Variants in HIVEP2 observed in about 807,000 individuals in gnomAD.
The protein encoded by HIVEP2 is HIVEP zinc finger 2.
HIVEP2 carries 14 observed loss-of-function variants against 180.7 expected under a neutral mutation model. The ratio of observed to expected loss-of-function variants is 0.08; its 90% CI spans 0.05 to 0.12. HIVEP2 has a LOEUF of 0.12. Ranked by LOEUF, HIVEP2 falls within the 10% of genes least tolerant of loss-of-function variation. The probability of loss-of-function intolerance (pLI) is 1.00; values close to 1 mark genes in which losing one functional copy is unlikely to be tolerated. For synonymous variants in HIVEP2, 1,184 were observed against 1,136.4 expected, an observed-to-expected ratio of 1.04 and a Z score of -0.84; for missense variants, 2,579 against 3,008.5, an observed-to-expected ratio of 0.86 and a Z score of 3.34.
chr6:142,857,038 G>A (rs573195096), intron 1 of HIVEP2, among the ~76,000 whole-genome samples: 2 of 152,268 alleles, frequency 1.3e-5, no homozygotes, highest in Non-Finnish European at 2.9e-5. Context: ...TTCTCATGTT[G>A]TTCAGAAACG....
intron 2 of HIVEP2, among the ~76,000 whole-genome samples, chr6:142,789,771 A>G (rs1409354385): frequency 6.6e-6 from 1 of 152,224 alleles, no homozygotes. Context: ...AAGAAGTAAA[A>G]AATGAAGAAT....
intron 1 of HIVEP2, among the ~76,000 whole-genome samples, chr6:142,924,667 A>C (rs1051674459): frequency 2.0e-5 from 3 of 152,252 alleles, no homozygotes; most frequent in Non-Finnish European, 2.9e-5. Context: ...ATATATGCCC[A>C]AAAGTAGATA....
chr6:142,808,274 A>G (rs1776601471), intron 2 of HIVEP2, among the ~76,000 whole-genome samples: 1 of 152,180 alleles, frequency 6.6e-6, no homozygotes, highest in Admixed American at 6.5e-5. Context: ...GTTTCATGAA[A>G]CTTGATACAC....
chr6:142,906,916 T>G (rs6570532), intron 1 of HIVEP2, among the ~76,000 whole-genome samples: 87,757 of 151,982 alleles, frequency 0.58, 25,523 homozygotes, highest in Middle Eastern at 0.63. Flanking sequence ...AATATTGCTT[T>G]TGTGATAAAT....
At chr6:142,793,681 C>CTTTCTTTCCT (rs1554279298) in intron 2 of HIVEP2, among the ~76,000 whole-genome samples, 1 of 125,566 alleles carries the variant, frequency 8.0e-6, no homozygotes, top group Non-Finnish European at 1.7e-5. Flanking sequence ...CTTTCTCTCT[C>CTTTCTTTCCT]TCTCTCTCTC....
chr6:142,897,429 T>C (rs60080180), intron 1 of HIVEP2, among the ~76,000 whole-genome samples: 8 of 152,322 alleles, frequency 5.3e-5, no homozygotes, highest in Middle Eastern at 3.4e-3. Context: ...AGAAGCACTA[T>C]TTGTAAGAGC....
At chr6:142,837,174 T>C (rs1458046041) in intron 1 of HIVEP2, 127 bp from the exon 2 acceptor site, 1 of 152,166 alleles carries the variant, frequency 6.6e-6, no homozygotes, top group Non-Finnish European at 1.5e-5. Flanking sequence ...GTTACTGTGC[T>C]ACTTAAAGCT....
intron 1 of HIVEP2, among the ~76,000 whole-genome samples, chr6:142,914,297 A>G (rs1777494960): frequency 6.6e-6 from 1 of 152,212 alleles, no homozygotes; most frequent in African/African-American, 2.4e-5. Flanking sequence ...TCTTTCAAAA[A>G]AAATTGGAAT....
Position 142,772,906 on chromosome 6 carries a change from A to G in HIVEP2, c.1833T>C (p.His611=), listed in dbSNP as rs760826254. Residue 611 remains histidine, a synonymous_variant, in exon 5 of 10, where the codon CAT becomes CAC. Coordinates refer to ENST00000367603, the MANE Select transcript of HIVEP2 (RefSeq NM_006734.4). This position sits in a 1 kb window ranked among gnomAD's most constrained non-coding sequence, Gnocchi z 4.9. ...VQEGHVEVEH[H]GRMLKGISSS... ...TGCTGATACCCTTCAACATCCTGCCATGGTGCTCGACTTCCACGTGGCCCT... is the reference window on the plus strand; with the variant it reads ...TGCTGATACCCTTCAACATCCTGCCGTGGTGCTCGACTTCCACGTGGCCCT... 6.2e-6 allele frequency: 10 copies of G among 1,613,992 alleles called. No homozygotes were observed. The highest frequency in any genetic ancestry group is 8.5e-6 in the Non-Finnish European group (10 of 1,180,032).
At chr6:142,821,721 GA>G (rs1777044768) in intron 2 of HIVEP2, among the ~76,000 whole-genome samples, 1 of 152,164 alleles carries the variant, frequency 6.6e-6, no homozygotes, top group African/African-American at 2.4e-5. Flanking sequence ...TGGGTTGGCT[GA>G]AAGATTTCCC....
At chr6:142,856,174 C>T (rs1204140115) in intron 1 of HIVEP2, among the ~76,000 whole-genome samples, 2 of 151,558 alleles carry the variant, frequency 1.3e-5, no homozygotes, top group South Asian at 2.1e-4. Context: ...AACTGCATCG[C>T]TTTTCACTAA....
At chr6:142,803,700 G>C (rs191191983) in intron 2 of HIVEP2, among the ~76,000 whole-genome samples, 17 of 152,142 alleles carry the variant, frequency 1.1e-4, no homozygotes, top group African/African-American at 4.1e-4. Context: ...ATAGGCGTCA[G>C]CAAAAATCAG....
chr6:142,755,564 C>T (rs1349471346), intron 9 of HIVEP2, among the ~76,000 whole-genome samples: 5 of 152,152 alleles, frequency 3.3e-5, no homozygotes, highest in African/African-American at 1.2e-4. Context: ...CCATTGCATA[C>T]AACCAGTCAG....
chr6:142,909,528 G>A (rs943201587), intron 1 of HIVEP2, among the ~76,000 whole-genome samples: 7 of 152,228 alleles, frequency 4.6e-5, no homozygotes, highest in African/African-American at 1.7e-4. Flanking sequence ...TATATATTAA[G>A]CATGTTTAAT....
intron 1 of HIVEP2, among the ~76,000 whole-genome samples, chr6:142,846,280 AAAAAAAG>A (rs1775514720): frequency 6.6e-6 from 1 of 152,060 alleles, no homozygotes; most frequent in Admixed American, 6.5e-5. Context: ...TTGAAGAAAA[AAAAAAAG>A]AAAAAAGAAA....
At chr6:142,868,967 G>C (rs1776214897) in intron 1 of HIVEP2, among the ~76,000 whole-genome samples, 1 of 152,110 alleles carries the variant, frequency 6.6e-6, no homozygotes, top group Non-Finnish European at 1.5e-5. Flanking sequence ...ATTTAGGTTA[G>C]GTAGAAGATT....
rs141348753 is a variant in HIVEP2, at chr6:142,783,506, A to G, written c.-433+15T>C. The G allele has an allele frequency of 2.6e-5, 4 of 152,232 alleles. No homozygotes were observed. Among genetic ancestry groups the G allele is most frequent in the Non-Finnish European group, 5.9e-5 (4 of 68,020 alleles). The allele number at this position is 152,232 out of a possible 1,614,324, so 9.4% of individuals were successfully genotyped here. On this transcript the variant is annotated intron_variant, in intron 3 of 9. Transcript: ENST00000367603. Reference sequence around the variant, plus strand: ...GTAACAAGAGAGTAAGAATAAATAAATTTTAGTTATTAACCTGTTATCCTC... The same window carrying G: ...GTAACAAGAGAGTAAGAATAAATAAGTTTTAGTTATTAACCTGTTATCCTC...
At chr6:142,941,125 C>T (rs1778167527) in intron 1 of HIVEP2, among the ~76,000 whole-genome samples, 1 of 152,082 alleles carries the variant, frequency 6.6e-6, no homozygotes, top group Non-Finnish European at 1.5e-5. Context: ...CAATAGTGAC[C>T]CAAATATCAG....
intron 7 of HIVEP2, 127 bp from the exon 8 acceptor site, chr6:142,761,692 T>C: frequency 1.5e-6 from 1 of 681,284 alleles, no homozygotes; most frequent in Non-Finnish European, 2.7e-6. Flanking sequence ...ACAGATTTGT[T>C]TCTACCCACT....
Sources: gnomAD v4.1 joint callset for allele counts (sites outside exome capture counted in the v4.1 genomes callset) on GRCh38, gnomAD v4.1.1 for gene constraint, Gnocchi (gnomAD v3.1) non-coding constraint, MANE v1.5 for transcripts, NCBI Gene and HGNC (gene_info 2026-07-23, HGNC 2026-07-21) for gene names.